Variants in INSL6 observed in about 807,000 individuals in gnomAD.
INSL6 encodes insulin-like peptide INSL6.
Under a neutral mutation model 9.4 loss-of-function variants are expected in INSL6, and 16 were observed. The ratio of observed to expected loss-of-function variants is 1.70; its 90% CI spans 1.15 to 2.59. The LOEUF (loss-of-function observed/expected upper bound fraction) is 2.59. Ranked by LOEUF, INSL6 falls within the 30% of genes most tolerant of loss-of-function variation. The probability of loss-of-function intolerance (pLI) is 0.00; values close to 1 mark genes in which losing one functional copy is unlikely to be tolerated. For missense variants in INSL6, 391 were observed against 257.3 expected, an observed-to-expected ratio of 1.52 and a Z score of -3.56; for synonymous variants, 154 against 96.9, an observed-to-expected ratio of 1.59 and a Z score of -3.46.
intron 2 of INSL6, among the ~76,000 whole-genome samples, chr9:5,152,298 TG>T (rs1824727758): frequency 6.6e-6 from 1 of 152,078 alleles, no homozygotes; most frequent in African/African-American, 2.4e-5. Context: ...CATGCACACA[TG>T]GAATAATTAC....
At chr9:5,043,855 CAT>C in the INSL6 span, among the ~76,000 whole-genome samples, 42 of 152,278 alleles carry the variant, frequency 2.8e-4, no homozygotes, top group South Asian at 1.7e-3. Flanking sequence ...AGAAAGGCCA[CAT>C]GTTCTAAAAT....
the INSL6 span, among the ~76,000 whole-genome samples, chr9:5,101,599 G>A: frequency 1.5e-4 from 23 of 152,358 alleles, no homozygotes; most frequent in South Asian, 2.7e-3. Context: ...TGCTTCTGTA[G>A]CCTAAGTGGG....
chr9:5,087,668 G>C, the INSL6 span, among the ~76,000 whole-genome samples: 5 of 152,160 alleles, frequency 3.3e-5, no homozygotes, highest in Admixed American at 6.5e-5. Flanking sequence ...ATCATTGTTG[G>C]CAGGGATGTG....
chr9:5,106,239 A>G, the INSL6 span, among the ~76,000 whole-genome samples: 1 of 152,234 alleles, frequency 6.6e-6, no homozygotes. Context: ...TGGGCAAAGG[A>G]TATGAACAGA....
chr9:5,154,528 G>T (rs1824778565), intron 2 of INSL6, among the ~76,000 whole-genome samples: 1 of 152,154 alleles, frequency 6.6e-6, no homozygotes, highest in Non-Finnish European at 1.5e-5. Context: ...CCATCAGAGT[G>T]AACAGGCAAC....
At chr9:5,002,218 C>G in the INSL6 span, among the ~76,000 whole-genome samples, 2 of 151,628 alleles carry the variant, frequency 1.3e-5, no homozygotes, top group African/African-American at 4.8e-5. Flanking sequence ...TGTTTTCTAG[C>G]TACCTAGGAA....
chr9:5,116,660 A>G, the INSL6 span, among the ~76,000 whole-genome samples: 2 of 152,206 alleles, frequency 1.3e-5, no homozygotes, highest in Non-Finnish European at 1.5e-5. Context: ...TTAAGACTCT[A>G]CTGTGCTCCA....
the INSL6 span, chr9:5,042,003 C>T: frequency 5.7e-6 from 2 of 348,458 alleles, no homozygotes; most frequent in Admixed American, 8.1e-5. Context: ...TTGGGGCCCA[C>T]CCACAGCGGC....
chr9:5,181,096 T>G (rs541436818), intron 1 of INSL6, among the ~76,000 whole-genome samples: 7 of 152,302 alleles, frequency 4.6e-5, no homozygotes, highest in Non-Finnish European at 4.4e-5. Flanking sequence ...GAACCTACAT[T>G]GAAATATTGG....
At chr9:5,055,705 G>T in the INSL6 span, 1 of 1,585,456 alleles carries the variant, frequency 6.3e-7, no homozygotes, top group South Asian at 1.1e-5. Context: ...TAATATTATT[G>T]ATGTCAGTAT....
At chr9:5,051,806 T>C in the INSL6 span, among the ~76,000 whole-genome samples, 1 of 152,138 alleles carries the variant, frequency 6.6e-6, no homozygotes, top group Non-Finnish European at 1.5e-5. Context: ...ATCAAAACAG[T>C]TACATACCCA....
chr9:5,051,216 ATTAT>A, the INSL6 span, among the ~76,000 whole-genome samples: 15 of 152,318 alleles, frequency 9.8e-5, no homozygotes, highest in African/African-American at 3.6e-4. Context: ...GTAAGGTGAA[ATTAT>A]TTAAAGAGTT....
downstream of INSL6, among the ~76,000 whole-genome samples, chr9:5,121,447 G>C (rs1029058235): frequency 6.6e-6 from 1 of 152,122 alleles, no homozygotes; most frequent in Non-Finnish European, 1.5e-5. Context: ...TTTATACAAA[G>C]GAAAATACAC....
At chr9:5,077,875 C>T in the INSL6 span, among the ~76,000 whole-genome samples, 1 of 152,134 alleles carries the variant, frequency 6.6e-6, no homozygotes, top group Non-Finnish European at 1.5e-5. Context: ...GAAGTATGTG[C>T]TTCTGTATTT....
At chr9:5,043,592 T>C in the INSL6 span, among the ~76,000 whole-genome samples, 1 of 152,204 alleles carries the variant, frequency 6.6e-6, no homozygotes, top group African/African-American at 2.4e-5. Context: ...CAATTCTACT[T>C]CTAGATATAT....
the INSL6 span, among the ~76,000 whole-genome samples, chr9:5,104,566 C>T: frequency 6.6e-6 from 1 of 152,114 alleles, no homozygotes; most frequent in Non-Finnish European, 1.5e-5. Flanking sequence ...TTTATGAGGC[C>T]AGCATCAGCC....
At chr9:5,036,174 G>A in the INSL6 span, among the ~76,000 whole-genome samples, 2 of 152,172 alleles carry the variant, frequency 1.3e-5, no homozygotes, top group Non-Finnish European at 2.9e-5. Flanking sequence ...TACAAGGGAT[G>A]TGAAGGACCT....
chr9:5,130,394 CAGAT>C (rs760192899), intron 3 of INSL6, among the ~76,000 whole-genome samples: 44 of 152,224 alleles, frequency 2.9e-4, no homozygotes, highest in African/African-American at 8.7e-4. Context: ...TGGTAAATAA[CAGAT>C]AGATCAAGGT....
the INSL6 span, chr9:5,085,182 C>G: frequency 9.2e-6 from 6 of 655,516 alleles, no homozygotes; most frequent in African/African-American, 1.8e-5. Context: ...GCAAACTGAA[C>G]CATCTCATGA....
Sources: allele counts gnomAD v4.1 joint callset (sites outside exome capture counted in the v4.1 genomes callset), GRCh38; gene constraint gnomAD v4.1.1; transcripts MANE v1.5; gene names NCBI Gene and HGNC (gene_info 2026-07-23, HGNC 2026-07-21).